Variants in DOK5 observed in about 807,000 individuals in gnomAD.
The protein encoded by DOK5 is downstream of tyrosine kinase 5.
A neutral mutation model predicts 43.3 loss-of-function variants in DOK5; 27 were observed. The observed-to-expected ratio is 0.62, with a 90% CI of 0.46 to 0.86. The LOEUF is 0.86. Ranked by LOEUF, DOK5 falls within the 40% of genes least tolerant of loss-of-function variation. The probability of loss-of-function intolerance (pLI) is 0.00; values close to 1 mark genes in which losing one functional copy is unlikely to be tolerated. For synonymous variants in DOK5, 146 were observed against 140.1 expected (o/e 1.04, Z -0.30); for missense variants, 373 against 392.9 (o/e 0.95, Z 0.43).
At chr20:54,477,705 G>A (rs1358877941) in intron 1 of DOK5, among the ~76,000 whole-genome samples, 1 of 151,822 alleles carries the variant, frequency 6.6e-6, no homozygotes, top group Non-Finnish European at 1.5e-5. Context: ...TCAATGGAAG[G>A]AATTGGTATG....
intron 6 of DOK5, among the ~76,000 whole-genome samples, chr20:54,623,290 C>T (rs537681779): frequency 2.4e-4 from 36 of 152,014 alleles, no homozygotes; most frequent in Admixed American, 4.6e-4. Flanking sequence ...GAGCTTGCCC[C>T]AAATGTCAAT....
At chr20:54,594,366 T>A (rs1018321337) in intron 5 of DOK5, among the ~76,000 whole-genome samples, 6 of 152,150 alleles carry the variant, frequency 3.9e-5, no homozygotes, top group Non-Finnish European at 2.9e-5. Flanking sequence ...CACTCCAGCC[T>A]GGGGCGACAG....
intron 1 of DOK5, among the ~76,000 whole-genome samples, chr20:54,496,781 A>G (rs908035052): frequency 1.2e-4 from 18 of 149,926 alleles, no homozygotes; most frequent in African/African-American, 3.0e-4. Context: ...AAAAAAAAAA[A>G]AAAAAGAAAA....
In DOK5 at chr20:54,508,950, CACT is replaced by C. The variant is rs534462400; in HGVS notation, c.66+32939_66+32941del. ...TAAGTGCAGTGACACGATCTCGGCT[CACT>C]GCAACCTCCGTCTCCCTGGTTCATG... On this transcript the variant is annotated intron_variant, in intron 1 of 7. Transcript: ENST00000262593. 6.1e-4 allele frequency among the ~76,000 whole-genome samples: 93 copies of C among 151,966 alleles called. 1 individual carries two copies. Among genetic ancestry groups the C allele is most frequent in the Middle Eastern group, 3.4e-3 (1 of 292 alleles).
intron 1 of DOK5, among the ~76,000 whole-genome samples, chr20:54,554,579 A>G (rs1321113808): frequency 6.6e-6 from 1 of 152,266 alleles, no homozygotes; most frequent in African/African-American, 2.4e-5. Flanking sequence ...CATGGTTTTC[A>G]GATTTAATTG....
chr20:54,542,452 G>T (rs1984196694), intron 1 of DOK5, among the ~76,000 whole-genome samples: 1 of 152,174 alleles, frequency 6.6e-6, no homozygotes, highest in Non-Finnish European at 1.5e-5. Context: ...CAGTGCTTCT[G>T]CTTTGGAGAA....
At chr20:54,604,562 C>G (rs962347751) in intron 5 of DOK5, among the ~76,000 whole-genome samples, 2 of 152,148 alleles carry the variant, frequency 1.3e-5, no homozygotes, top group Non-Finnish European at 2.9e-5. Flanking sequence ...ATGTTTACAT[C>G]CTTCACAGCG....
intron 1 of DOK5, among the ~76,000 whole-genome samples, chr20:54,529,073 C>A (rs895101497): frequency 6.6e-6 from 1 of 152,158 alleles, no homozygotes; most frequent in Non-Finnish European, 1.5e-5. Flanking sequence ...GGTGCATACA[C>A]AATTTGGATT....
chr20:54,563,242 A>C (rs1242886223), intron 2 of DOK5, among the ~76,000 whole-genome samples: 3 of 152,150 alleles, frequency 2.0e-5, no homozygotes, highest in Non-Finnish European at 4.4e-5. Context: ...CAAGACACCT[A>C]GTACTTTGTT....
At chr20:54,633,613 A>G (rs924982827) in intron 6 of DOK5, among the ~76,000 whole-genome samples, 1 of 152,230 alleles carries the variant, frequency 6.6e-6, no homozygotes. Context: ...TCTTATCAAG[A>G]CAGTGTCTTT....
chr20:54,492,321 T>C (rs371767634), intron 1 of DOK5, among the ~76,000 whole-genome samples: 2 of 152,188 alleles, frequency 1.3e-5, no homozygotes, highest in Non-Finnish European at 2.9e-5. Context: ...TTTACACACA[T>C]GGGTTCATAT....
intron 1 of DOK5, among the ~76,000 whole-genome samples, chr20:54,492,652 C>T (rs1199860155): frequency 2.0e-5 from 3 of 151,744 alleles, no homozygotes; most frequent in African/African-American, 4.9e-5. Context: ...GTACCAGGTA[C>T]ACTCTGGTAA....
chr20:54,587,486 C>T (rs1985843382), intron 2 of DOK5, among the ~76,000 whole-genome samples: 1 of 152,056 alleles, frequency 6.6e-6, no homozygotes, highest in Non-Finnish European at 1.5e-5. Context: ...TGTATAACAG[C>T]ACAAAAGAGA....
At chr20:54,552,530 G>A (rs550325130) in intron 1 of DOK5, among the ~76,000 whole-genome samples, 19 of 151,836 alleles carry the variant, frequency 1.3e-4, no homozygotes, top group Non-Finnish European at 1.8e-4. Context: ...TATTCTATAT[G>A]TATCGTAATA....
At chr20:54,498,820 C>A (rs1289564261) in intron 1 of DOK5, among the ~76,000 whole-genome samples, 1 of 152,076 alleles carries the variant, frequency 6.6e-6, no homozygotes, top group East Asian at 1.9e-4. Flanking sequence ...CCAAAAAAGA[C>A]TTTTTTTCTC....
intron 1 of DOK5, among the ~76,000 whole-genome samples, chr20:54,544,774 T>C (rs925757058): frequency 6.6e-6 from 1 of 152,004 alleles, no homozygotes; most frequent in Non-Finnish European, 1.5e-5. Flanking sequence ...ACAGGATCAG[T>C]TGAGTCAAGA....
chr20:54,614,541 C>T (rs528019535), intron 6 of DOK5, among the ~76,000 whole-genome samples: 6 of 152,150 alleles, frequency 3.9e-5, no homozygotes, highest in Non-Finnish European at 7.3e-5. Context: ...ACTTGAAAGG[C>T]GGGTTCTGCA....
Position 54,588,608 on chromosome 20 carries a change from G to T in DOK5, c.289+11G>T. 6.2e-7 allele frequency: 1 copy of T among 1,614,112 alleles called. No homozygotes were observed. The highest frequency in any genetic ancestry group is 1.1e-5 in the South Asian group (1 of 91,082). On this transcript the variant is annotated intron_variant, in intron 3 of 7. Coordinates refer to ENST00000262593, the MANE Select transcript of DOK5 (RefSeq NM_018431.5). Reference sequence around the variant, plus strand: ...TTGCTTGCGAATCAGGTTTGTCTCAGGCAGGGCTGGGGGGCTTTTGCTTTT... The same window carrying T: ...TTGCTTGCGAATCAGGTTTGTCTCATGCAGGGCTGGGGGGCTTTTGCTTTT...
chr20:54,644,714 A>AC (rs1979303378), intron 7 of DOK5, among the ~76,000 whole-genome samples: 7 of 134,208 alleles, frequency 5.2e-5, no homozygotes, highest in Non-Finnish European at 9.6e-5. Context: ...TCAAAAAAAA[A>AC]AAAAAAAAAA....
Sources: allele counts gnomAD v4.1 joint callset (sites outside exome capture counted in the v4.1 genomes callset), GRCh38; gene constraint gnomAD v4.1.1; transcripts MANE v1.5; gene names NCBI Gene and HGNC (gene_info 2026-07-23, HGNC 2026-07-21).